The following GALNT9 variants were observed in gnomAD, a reference collection of about 807,000 sequenced individuals.
GALNT9 encodes GalNAc transferase 9.
A neutral mutation model predicts 63.1 loss-of-function variants in GALNT9; 47 were observed. That is an observed-to-expected ratio of 0.75 (90% CI 0.59 to 0.95). The LOEUF (loss-of-function observed/expected upper bound fraction) is 0.95. Among genes scored for constraint, GALNT9 ranks in the 40% least tolerant of loss-of-function variants. The pLI is 0.00. For synonymous variants in GALNT9, 396 were observed against 365.7 expected (o/e 1.08, Z -0.94); for missense variants, 829 against 874.8 (o/e 0.95, Z 0.66).
At chr12:132,226,788 T>TACACCCCATATACACACCCACACAC (rs1877709206) in intron 6 of GALNT9, among the ~76,000 whole-genome samples, 1 of 124,214 alleles carries the variant, frequency 8.1e-6, no homozygotes. Context: ...ATCCCACACA[T>TACACCCCATATACACACCCACACAC]ACACCCCATA....
intron 2 of GALNT9, among the ~76,000 whole-genome samples, chr12:132,264,447 G>C (rs1021356262): frequency 6.6e-6 from 1 of 152,256 alleles, no homozygotes; most frequent in Non-Finnish European, 1.5e-5. Flanking sequence ...TTCGGGCCCG[G>C]CTTGGTCGGG....
At position 132,197,777 on chromosome 12, in the gene GALNT9, T is replaced by A; in HGVS notation, c.1665+15A>T. On this transcript the variant is annotated intron_variant, in intron 10 of 10. Transcript: ENST00000328957. ...CCCGCCCCAACCCCACGGCCCCCCT[T>A]CCCCAGAGGCTGACCTGGGTGAAGT... 5 of 1,416,298 alleles carry A rather than the reference T, an allele frequency of 3.5e-6. No homozygotes were observed. The highest frequency in any genetic ancestry group is 1.4e-5 in the African/African-American group (1 of 70,742). 87.7% of individuals were successfully genotyped at this position (1,416,298 alleles called of 1,614,324 possible).
At chr12:132,200,824 G>A (rs1464161673) in intron 8 of GALNT9, 10 of 406,266 alleles carry the variant, frequency 2.5e-5, no homozygotes, top group Admixed American at 4.2e-5. Flanking sequence ...ACACCTGCCT[G>A]CCTCTAGGGA....
At chr12:132,243,828 G>A (rs2136906010) in intron 6 of GALNT9, among the ~76,000 whole-genome samples, 9 of 152,202 alleles carry the variant, frequency 5.9e-5, no homozygotes, top group Admixed American at 2.6e-4. Flanking sequence ...CAGCCCACCC[G>A]TCAATCACCC....
At chr12:132,223,180 ACACAACC>A (rs1877540310) in intron 6 of GALNT9, among the ~76,000 whole-genome samples, 1 of 99,694 alleles carries the variant, frequency 1.0e-5, no homozygotes, top group Non-Finnish European at 2.0e-5. Context: ...CCCACACCGC[ACACAACC>A]CACACCCCAC....
At chr12:132,199,922 TCCACCACGG>T (rs899580786) in intron 8 of GALNT9, among the ~76,000 whole-genome samples, 10 of 152,166 alleles carry the variant, frequency 6.6e-5, no homozygotes, top group African/African-American at 2.2e-4. Flanking sequence ...AGCTGACCCA[TCCACCACGG>T]CCACCACGAG....
intron 5 of GALNT9, among the ~76,000 whole-genome samples, chr12:132,253,515 A>T (rs1459599988): frequency 6.9e-6 from 1 of 144,982 alleles, no homozygotes; most frequent in Non-Finnish European, 1.5e-5. Flanking sequence ...CCCTCAGGTT[A>T]TTCCTAGATT....
intron 6 of GALNT9, among the ~76,000 whole-genome samples, chr12:132,211,171 C>A (rs1876943648): frequency 6.6e-6 from 1 of 152,186 alleles, no homozygotes; most frequent in Admixed American, 6.5e-5. Context: ...TCTCGCCAAC[C>A]AACTACCGCT....
chr12:132,240,497 CG>C (rs2136898382), intron 6 of GALNT9: 1 of 409,766 alleles, frequency 2.4e-6, no homozygotes, highest in Admixed American at 3.1e-5. Context: ...GGACCCCGGG[CG>C]GCACTCACTC....
intron 10 of GALNT9, among the ~76,000 whole-genome samples, chr12:132,197,465 G>A (rs927358407): frequency 1.3e-5 from 2 of 148,898 alleles, no homozygotes; most frequent in Non-Finnish European, 1.5e-5. Flanking sequence ...TGCAGGGCTA[G>A]CGGCCCAGGT....
At chr12:132,250,920 G>A (rs1483676463) in intron 5 of GALNT9, among the ~76,000 whole-genome samples, 3 of 152,212 alleles carry the variant, frequency 2.0e-5, no homozygotes, top group Non-Finnish European at 2.9e-5. Flanking sequence ...GCCTGCACAC[G>A]TGCACAGGGA....
At chr12:132,207,175 G>A (rs1052211604) in intron 6 of GALNT9, among the ~76,000 whole-genome samples, 11 of 152,272 alleles carry the variant, frequency 7.2e-5, no homozygotes, top group East Asian at 5.8e-4. Flanking sequence ...CTGGGCGTCC[G>A]GACCAGAGGC....
rs2136894469 is a variant in GALNT9, at chr12:132,236,187, A to G, written c.1077+11723T>C. On this transcript the variant is annotated intron_variant, in intron 6 of 10. Coordinates refer to ENST00000328957, the MANE Select transcript of GALNT9 (RefSeq NM_001122636.2). This position sits in a 1 kb window ranked among gnomAD's most constrained non-coding sequence, Gnocchi z 5.6. ...GTTCAAGGTCAGACGGGCCTTTCAA[A>G]TACAAGCAAATGCCAGCCTCCCTCC... Among the ~76,000 whole-genome samples the G allele has an allele frequency of 0.16, 24,433 of 152,060 alleles. 2,036 individuals carry two copies. The highest frequency in any genetic ancestry group is 0.27 in the Middle Eastern group (80 of 294).
In GALNT9 at chr12:132,261,552, C is replaced by T. The variant is rs186184227; in HGVS notation, c.587-430G>A. The stretch of plus-strand genomic sequence containing the variant: ...TAGCCGAGCTGGACTGGATGGTCCT[C>T]CCCACACACCACCTTCTCCAGCGAG... On this transcript the variant is annotated intron_variant, in intron 3 of 10. Coordinates refer to ENST00000328957, the MANE Select transcript of GALNT9 (RefSeq NM_001122636.2). Among the ~76,000 whole-genome samples the T allele has an allele frequency of 1.6e-3, 251 of 152,324 alleles. 1 individual carries two copies. Among genetic ancestry groups the T allele is most frequent in the African/African-American group, 5.6e-3 (234 of 41,584 alleles).
chr12:132,239,745 GAGAC>G (rs2135529448), intron 6 of GALNT9, among the ~76,000 whole-genome samples: 2 of 152,288 alleles, frequency 1.3e-5, no homozygotes, highest in Non-Finnish European at 2.9e-5. Context: ...GGGAGAGACA[GAGAC>G]AGAGACATGG....
At chr12:132,201,962 A>C (rs113251755) in intron 7 of GALNT9, among the ~76,000 whole-genome samples, 6,305 of 152,128 alleles carry the variant, frequency 0.041, 431 homozygotes, top group African/African-American at 0.14. Flanking sequence ...GAGCACCTGC[A>C]CCCTGCCCAG....
At chr12:132,209,526 A>C (rs7305294) in intron 6 of GALNT9, among the ~76,000 whole-genome samples, 1 of 151,906 alleles carries the variant, frequency 6.6e-6, no homozygotes, top group Non-Finnish European at 1.5e-5. Flanking sequence ...CTCCAGCCTG[A>C]GTGACAGAGC....
chr12:132,235,058 TGG>T (rs1877947027), intron 6 of GALNT9, among the ~76,000 whole-genome samples: 1 of 57,404 alleles, frequency 1.7e-5, no homozygotes, highest in African/African-American at 1.2e-4. Context: ...ACACACTCGA[TGG>T]GGCGACAGAG....
chr12:132,294,564 C>A (rs1266199839), intron 1 of GALNT9, among the ~76,000 whole-genome samples: 2 of 65,402 alleles, frequency 3.1e-5, no homozygotes, highest in Admixed American at 1.2e-4. Context: ...AGGCTTCAGG[C>A]GTCCTGCTCA....
Sources: allele counts gnomAD v4.1 joint callset (sites outside exome capture counted in the v4.1 genomes callset), GRCh38; gene constraint gnomAD v4.1.1; non-coding constraint Gnocchi (gnomAD v3.1); transcripts MANE v1.5; gene names NCBI Gene and HGNC (gene_info 2026-07-23, HGNC 2026-07-21).